Variants in SEMA3D observed in about 807,000 individuals in gnomAD.
SEMA3D encodes semaphorin 3D, also known as semaphorin-3D.
Under a neutral mutation model 100.1 loss-of-function variants are expected in SEMA3D, and 84 were observed. The observed-to-expected ratio is 0.84, with a 90% CI of 0.70 to 1.01. SEMA3D has a LOEUF of 1.01. Ranked by LOEUF, SEMA3D falls within the 50% of genes least tolerant of loss-of-function variation. The pLI is 0.00. For missense variants in SEMA3D, 875 were observed against 934.1 expected (o/e 0.94, Z 0.82); for synonymous variants, 312 against 320.7 (o/e 0.97, Z 0.29).
At chr7:85,188,609 T>C (rs972301266), upstream of SEMA3D, among the ~76,000 whole-genome samples, 8 of 152,240 alleles carry the variant, frequency 5.3e-5, no homozygotes, top group African/African-American at 1.7e-4. Context: ...GGTGGGTTTA[T>C]AGTAAGTAGT....
intron 2 of SEMA3D, among the ~76,000 whole-genome samples, chr7:85,127,942 T>C (rs1159528493): frequency 1.3e-5 from 2 of 152,078 alleles, no homozygotes; most frequent in Non-Finnish European, 2.9e-5. Context: ...CAACTTTTAA[T>C]GTCTGCACTC....
At chr7:85,227,500 A>G in the SEMA3D span, among the ~76,000 whole-genome samples, 347 of 152,304 alleles carry the variant, frequency 2.3e-3, 2 homozygotes, top group African/African-American at 8.0e-3. Flanking sequence ...GATGTTGAAT[A>G]TGCCAGTACC....
At chr7:85,164,066 A>T (rs1384287328) in intron 1 of SEMA3D, among the ~76,000 whole-genome samples, 2 of 152,122 alleles carry the variant, frequency 1.3e-5, no homozygotes, top group African/African-American at 4.8e-5. Context: ...TCAAAATGCT[A>T]ATTAGTTTGC....
chr7:85,226,532 T>G, the SEMA3D span, among the ~76,000 whole-genome samples: 2 of 152,234 alleles, frequency 1.3e-5, no homozygotes, highest in African/African-American at 4.8e-5. Flanking sequence ...TTGATTTTTG[T>G]GGTTGTGGAA....
intron 8 of SEMA3D, among the ~76,000 whole-genome samples, chr7:85,062,265 A>C (rs969789142): frequency 2.6e-5 from 4 of 152,218 alleles, no homozygotes; most frequent in African/African-American, 9.6e-5. Context: ...AAAGTGCCAA[A>C]GATAGGACTA....
chr7:85,243,461 G>A, the SEMA3D span, among the ~76,000 whole-genome samples: 3 of 152,200 alleles, frequency 2.0e-5, no homozygotes, highest in South Asian at 2.1e-4. Flanking sequence ...AGAGGTGTCC[G>A]TTTGTGGGTT....
At chr7:85,053,446 T>C (rs1255216683) in intron 9 of SEMA3D, among the ~76,000 whole-genome samples, 2 of 151,994 alleles carry the variant, frequency 1.3e-5, no homozygotes. Flanking sequence ...AAATAATCTT[T>C]TTTATGTGAA....
chr7:85,010,158 T>G (rs1198508332), intron 17 of SEMA3D, among the ~76,000 whole-genome samples: 1 of 151,686 alleles, frequency 6.6e-6, no homozygotes, highest in South Asian at 2.1e-4. Context: ...AATGCAAACA[T>G]ACATAAGGCA....
intron 2 of SEMA3D, chr7:85,151,669 T>G: frequency 1.0e-6 from 1 of 982,816 alleles, no homozygotes; most frequent in Non-Finnish European, 1.2e-6. Flanking sequence ...ATAGTGTATT[T>G]AGTACTATTT....
intron 2 of SEMA3D, among the ~76,000 whole-genome samples, chr7:85,153,090 G>T (rs1306439900): frequency 1.3e-5 from 2 of 152,054 alleles, no homozygotes; most frequent in Non-Finnish European, 2.9e-5. Context: ...ATATGCCAAC[G>T]TGTGCAAAAT....
chr7:85,133,165 T>C (rs1017216915), intron 2 of SEMA3D, among the ~76,000 whole-genome samples: 2 of 152,032 alleles, frequency 1.3e-5, no homozygotes, highest in Non-Finnish European at 2.9e-5. Flanking sequence ...GTTGAAGTCA[T>C]GTGTTGAATA....
At chr7:85,044,078 T>C (rs530459189) in intron 9 of SEMA3D, among the ~76,000 whole-genome samples, 39 of 152,092 alleles carry the variant, frequency 2.6e-4, no homozygotes, top group African/African-American at 8.9e-4. Context: ...AAGTATAAAT[T>C]ATATAAAATC....
At chr7:85,203,480 T>C in the SEMA3D span, among the ~76,000 whole-genome samples, 1 of 152,134 alleles carries the variant, frequency 6.6e-6, no homozygotes, top group Non-Finnish European at 1.5e-5. Flanking sequence ...CAGGCTTAAC[T>C]ATATGAATAG....
intron 14 of SEMA3D, 117 bp from the exon 15 acceptor site, chr7:85,018,410 A>T (rs1790164708): frequency 1.5e-6 from 1 of 674,488 alleles, no homozygotes; most frequent in African/African-American, 1.8e-5. Flanking sequence ...TCTCTGTTAC[A>T]TAAGGAAATA....
intron 3 of SEMA3D, among the ~76,000 whole-genome samples, chr7:85,120,461 G>T (rs983641013): frequency 3.3e-5 from 5 of 151,558 alleles, no homozygotes; most frequent in African/African-American, 9.7e-5. Context: ...TGAGGTCAGG[G>T]GTTTGAGACC....
At chr7:85,098,896 G>T (rs1464062724) in intron 3 of SEMA3D, among the ~76,000 whole-genome samples, 1 of 151,478 alleles carries the variant, frequency 6.6e-6, no homozygotes, top group Non-Finnish European at 1.5e-5. Context: ...AGTTTAGCTT[G>T]TTATAGGATG....
At position 84,998,898 on chromosome 7, in the gene SEMA3D, C is replaced by T. The variant is rs1312371185; in HGVS notation, c.*542G>A. 6.5e-6 allele frequency: 1 copy of T among 153,590 alleles called. No homozygotes were observed. Among genetic ancestry groups the T allele is most frequent in the African/African-American group, 2.4e-5 (1 of 41,438 alleles). The allele number at this position is 153,590 out of a possible 1,614,324, so 9.5% of individuals were successfully genotyped here. A position where few individuals can be genotyped will look rare whatever the true frequency, so the allele number is the denominator to read the frequency against. On this transcript the variant is annotated 3_prime_UTR_variant, in exon 19 of 19. Coordinates refer to ENST00000284136, the MANE Select transcript of SEMA3D (RefSeq NM_001384900.1). ...GTGGCCAGAAAGAAATAATGCACCT[C>T]TCCAAATTCCTATACCATTCTCCAG...
intron 3 of SEMA3D, among the ~76,000 whole-genome samples, chr7:85,110,920 G>C (rs1789075172): frequency 6.6e-6 from 1 of 151,932 alleles, no homozygotes; most frequent in African/African-American, 2.4e-5. Flanking sequence ...ACACTCACAT[G>C]CTGCTTTTAT....
the SEMA3D span, among the ~76,000 whole-genome samples, chr7:85,212,492 A>G: frequency 3.8e-3 from 573 of 151,044 alleles, 9 homozygotes; most frequent in African/African-American, 0.014. Flanking sequence ...TCAGAGAAAT[A>G]TAGTGCCTAT....
Sources: gnomAD v4.1 joint callset for allele counts (sites outside exome capture counted in the v4.1 genomes callset) on GRCh38, gnomAD v4.1.1 for gene constraint, MANE v1.5 for transcripts, NCBI Gene and HGNC (gene_info 2026-07-23, HGNC 2026-07-21) for gene names.